Variants in CEP63 observed in about 807,000 individuals in gnomAD.
CEP63 encodes the protein centrosomal protein 63, also known as centrosomal protein of 63 kDa.
In CEP63, 84 loss-of-function variants were observed where a neutral mutation model predicts 89.1. The ratio of observed to expected loss-of-function variants is 0.94; its 90% confidence interval spans 0.79 to 1.13. CEP63 has a LOEUF of 1.13. Ranked by LOEUF, CEP63 falls within the 50% of genes most tolerant of loss-of-function variation. The pLI, the probability that CEP63 is intolerant of heterozygous loss-of-function variation, is 0.00. For synonymous variants in CEP63, 267 were observed against 272.5 expected (o/e 0.98, Z 0.20); for missense variants, 838 against 813.3 (o/e 1.03, Z -0.37).
At chr3:134,754,178 G>A in the CEP63 span, among the ~76,000 whole-genome samples, 1 of 152,292 alleles carries the variant, frequency 6.6e-6, no homozygotes, top group Non-Finnish European at 1.5e-5. Context: ...CACACACGGT[G>A]ATGGGGCTAC....
the CEP63 span, among the ~76,000 whole-genome samples, chr3:134,743,598 G>T: frequency 6.6e-6 from 1 of 152,122 alleles, no homozygotes; most frequent in Admixed American, 6.5e-5. Flanking sequence ...GGGTGAACCT[G>T]AGCCTTGACT....
At chr3:134,638,906 A>C in the CEP63 span, among the ~76,000 whole-genome samples, 1 of 92,682 alleles carries the variant, frequency 1.1e-5, no homozygotes, top group African/African-American at 3.3e-5. Flanking sequence ...GAAGACTGTC[A>C]GGTGTGTGTG....
At chr3:134,695,705 T>C in the CEP63 span, among the ~76,000 whole-genome samples, 1 of 152,166 alleles carries the variant, frequency 6.6e-6, no homozygotes, top group African/African-American at 2.4e-5. Context: ...CTTCTGTAAC[T>C]CACCTGCGCC....
At chr3:134,740,407 C>A in the CEP63 span, among the ~76,000 whole-genome samples, 92 of 152,142 alleles carry the variant, frequency 6.0e-4, 1 homozygote, top group East Asian at 0.014. Flanking sequence ...ACACTATTCT[C>A]CTGCCTCAGC....
At chr3:134,561,308 A>G (rs777855173) in intron 14 of CEP63, 69 bp from the exon 15 acceptor site, 191 of 1,425,038 alleles carry the variant, frequency 1.3e-4, no homozygotes, top group Admixed American at 2.5e-4. Flanking sequence ...AGAAAATGTC[A>G]TGAACAGTGT....
the CEP63 span, among the ~76,000 whole-genome samples, chr3:134,686,211 T>C: frequency 2.0e-5 from 3 of 152,182 alleles, no homozygotes; most frequent in Non-Finnish European, 4.4e-5. Context: ...AAGTCCTAGA[T>C]AATCCCCCAA....
the CEP63 span, among the ~76,000 whole-genome samples, chr3:134,606,434 C>T: frequency 6.6e-6 from 1 of 152,204 alleles, no homozygotes; most frequent in African/African-American, 2.4e-5. Context: ...CCTCTCCTCC[C>T]TCCCCACCAC....
At chr3:134,500,867 C>A (rs1941790752) in intron 2 of CEP63, among the ~76,000 whole-genome samples, 1 of 152,102 alleles carries the variant, frequency 6.6e-6, no homozygotes, top group African/African-American at 2.4e-5. Flanking sequence ...GTTTTTATTG[C>A]ATTTGCTTTT....
At chr3:134,586,184 C>G (rs1429662226) in intron 10 of CEP63, among the ~76,000 whole-genome samples, 1 of 152,084 alleles carries the variant, frequency 6.6e-6, no homozygotes, top group East Asian at 1.9e-4. Context: ...GGCATTTAGC[C>G]CATTTACACT....
the CEP63 span, chr3:134,639,827 G>C: frequency 6.6e-6 from 1 of 151,734 alleles, no homozygotes. Flanking sequence ...GCACTCACCT[G>C]TGGTCCCAGC....
chr3:134,545,489 T>G (rs914319132), intron 6 of CEP63, 97 bp from the exon 7 acceptor site: 20 of 902,574 alleles, frequency 2.2e-5, no homozygotes, highest in Non-Finnish European at 3.4e-5. Flanking sequence ...AGCCAATGCT[T>G]TATGTTTTTA....
downstream of CEP63, among the ~76,000 whole-genome samples, chr3:134,578,897 G>A (rs113512501): frequency 0.016 from 2,459 of 152,258 alleles, 56 homozygotes; most frequent in African/African-American, 0.055. Flanking sequence ...TTGCTGTGGA[G>A]AAGCCCTTTA....
intron 12 of CEP63, among the ~76,000 whole-genome samples, chr3:134,554,801 T>C (rs1323513284): frequency 1.8e-4 from 27 of 152,328 alleles, no homozygotes; most frequent in South Asian, 4.1e-4. Flanking sequence ...TGGTATCTCA[T>C]TGTGGTTTTG....
At chr3:134,636,274 T>C in the CEP63 span, among the ~76,000 whole-genome samples, 1 of 152,264 alleles carries the variant, frequency 6.6e-6, no homozygotes, top group Non-Finnish European at 1.5e-5. Context: ...AGAATGCCCA[T>C]TGTGCACATT....
chr3:134,768,546 A>G, the CEP63 span, among the ~76,000 whole-genome samples: 8 of 152,196 alleles, frequency 5.3e-5, no homozygotes, highest in East Asian at 1.6e-3. Context: ...TACCTTCTCA[A>G]GTCTGGGCTG....
At chr3:134,620,423 C>T in the CEP63 span, among the ~76,000 whole-genome samples, 1 of 152,172 alleles carries the variant, frequency 6.6e-6, no homozygotes, top group Non-Finnish European at 1.5e-5. Context: ...ACCTGTTGCT[C>T]TGGGCTCTCA....
chr3:134,547,532 C>T, intron 9 of CEP63, 60 bp downstream of exon 9: 16 of 1,409,570 alleles, frequency 1.1e-5, no homozygotes, highest in Non-Finnish European at 1.5e-5. Flanking sequence ...TTTTGATCAT[C>T]ATATTGTAAA....
the CEP63 span, among the ~76,000 whole-genome samples, chr3:134,747,309 T>C: frequency 6.6e-6 from 1 of 152,380 alleles, no homozygotes; most frequent in Non-Finnish European, 1.5e-5. Flanking sequence ...AGTACCATGC[T>C]GTTTTGGTTA....
At chr3:134,722,784 C>T in the CEP63 span, among the ~76,000 whole-genome samples, 3 of 152,102 alleles carry the variant, frequency 2.0e-5, no homozygotes, top group Non-Finnish European at 2.9e-5. Context: ...TATATTCAGC[C>T]TGTTGATACC....
Sources: gnomAD v4.1 joint callset for allele counts (sites outside exome capture counted in the v4.1 genomes callset) on GRCh38, gnomAD v4.1.1 for gene constraint, MANE v1.5 for transcripts, NCBI Gene and HGNC (gene_info 2026-07-23, HGNC 2026-07-21) for gene names.